Variants in ACSM3 observed in about 807,000 individuals in gnomAD.
ACSM3 encodes the protein acyl-CoA synthetase medium chain family member 3, also known as acyl-coenzyme A synthetase ACSM3, mitochondrial.
A neutral mutation model predicts 74.1 loss-of-function variants in ACSM3; 61 were observed. The ratio of observed to expected loss-of-function variants is 0.82; its 90% CI spans 0.67 to 1.02. The LOEUF is 1.02. Among genes scored for constraint, ACSM3 ranks in the 50% least tolerant of loss-of-function variants. ACSM3 has a pLI of 0.00. For missense variants in ACSM3, 660 were observed against 697.0 expected (o/e 0.95, Z 0.60); for synonymous variants, 213 against 241.5 (o/e 0.88, Z 1.09).
At chr16:20,677,571 G>A (rs1455650778) in intron 1 of ACSM3, among the ~76,000 whole-genome samples, 2 of 152,204 alleles carry the variant, frequency 1.3e-5, no homozygotes, top group African/African-American at 4.8e-5. Flanking sequence ...TGTGATAGAT[G>A]AAGTGTTCTC....
chr16:20,737,758 G>C (rs1465622915), intron 1 of ACSM3: 2 of 1,613,562 alleles, frequency 1.2e-6, no homozygotes, highest in African/African-American at 2.7e-5. Context: ...GTTATTTCGA[G>C]ATTTGTACAC....
intron 7 of ACSM3, among the ~76,000 whole-genome samples, chr16:20,782,428 TTA>T (rs1444926111): frequency 6.6e-6 from 1 of 152,154 alleles, no homozygotes; most frequent in Non-Finnish European, 1.5e-5. Flanking sequence ...CCAAAGTCCA[TTA>T]TATCATTCTT....
intron 1 of ACSM3, among the ~76,000 whole-genome samples, chr16:20,728,810 T>A (rs1164750687): frequency 6.7e-6 from 1 of 149,326 alleles, no homozygotes; most frequent in Non-Finnish European, 1.5e-5. Flanking sequence ...CTACCTTTTT[T>A]AAAAAATTAA....
At chr16:20,726,179 A>G (rs1029920797) in intron 1 of ACSM3, among the ~76,000 whole-genome samples, 6 of 152,224 alleles carry the variant, frequency 3.9e-5, no homozygotes, top group African/African-American at 1.4e-4. Flanking sequence ...CCAGCCCTCA[A>G]AAAAGAAAGA....
chr16:20,760,164 T>C (rs2356266), upstream of ACSM3, among the ~76,000 whole-genome samples: 94,294 of 152,070 alleles, frequency 0.62, 30,342 homozygotes, highest in Non-Finnish European at 0.72. Flanking sequence ...TACAGCATCA[T>C]ATAACAGATA....
intron 1 of ACSM3, chr16:20,718,534 AGAG>A: frequency 3.7e-6 from 1 of 273,270 alleles, no homozygotes; most frequent in South Asian, 1.5e-4. Flanking sequence ...AACTCCCCAA[AGAG>A]CTGCCAATAT....
At chr16:20,685,084 G>C (rs2079522349) in intron 1 of ACSM3, 3 of 1,161,498 alleles carry the variant, frequency 2.6e-6, no homozygotes, top group Admixed American at 1.9e-5. Context: ...TGGGGCGAAG[G>C]CTTCAAAGCT....
rs545743231 is a variant in ACSM3, at chr16:20,797,551, A to G, written c.*579A>G. On this transcript the variant is annotated 3_prime_UTR_variant, in exon 14 of 14. Transcript: ENST00000289416. ...ATCATATACTATTGTTGCTTATTATATGTAATCTAATAAATACTGTTTACA... is the reference window on the plus strand; with the variant it reads ...ATCATATACTATTGTTGCTTATTATGTGTAATCTAATAAATACTGTTTACA... 2.9e-5 allele frequency: 36 copies of G among 1,239,042 alleles called. No individual in the cohort carries two copies. In the African/African-American group the frequency reaches 4.5e-4, roughly 16 times the overall value. The allele number at this position is 1,239,042 out of a possible 1,614,324, so 76.8% of individuals were successfully genotyped here. A position where few individuals can be genotyped will look rare whatever the true frequency, so the allele number is the denominator to read the frequency against.
At chr16:20,719,790 AC>A (rs1219484688) in intron 1 of ACSM3, among the ~76,000 whole-genome samples, 4 of 152,166 alleles carry the variant, frequency 2.6e-5, no homozygotes, top group African/African-American at 9.7e-5. Flanking sequence ...AAGTGCGGGC[AC>A]CTTTGCCCAG....
chr16:20,783,250 C>A (rs2080392703), intron 7 of ACSM3: 1 of 152,192 alleles, frequency 6.6e-6, no homozygotes, highest in African/African-American at 2.4e-5. Flanking sequence ...ACAAAAGATA[C>A]TCCTAGCACA....
intron 1 of ACSM3, among the ~76,000 whole-genome samples, chr16:20,685,663 T>C (rs2079534953): frequency 1.3e-5 from 2 of 151,336 alleles, no homozygotes; most frequent in Non-Finnish European, 2.9e-5. Flanking sequence ...CTACTAAAAA[T>C]TTAAAAATTA....
intron 1 of ACSM3, among the ~76,000 whole-genome samples, chr16:20,709,603 G>A (rs963801324): frequency 6.6e-6 from 1 of 151,984 alleles, no homozygotes; most frequent in African/African-American, 2.4e-5. Flanking sequence ...AAGAACAGGT[G>A]GTTTGTAAAA....
chr16:20,734,055 G>C (rs753414122), intron 1 of ACSM3: 1 of 152,118 alleles, frequency 6.6e-6, no homozygotes, highest in African/African-American at 2.4e-5. Flanking sequence ...ACCGAACACA[G>C]GATTTTGTAA....
intron 1 of ACSM3, among the ~76,000 whole-genome samples, chr16:20,726,700 G>A (rs963789606): frequency 2.0e-5 from 3 of 152,168 alleles, no homozygotes; most frequent in Non-Finnish European, 4.4e-5. Flanking sequence ...CTTACTAATA[G>A]TGTGGCCTTG....
intron 1 of ACSM3, among the ~76,000 whole-genome samples, chr16:20,740,644 A>C (rs909325888): frequency 3.9e-5 from 6 of 152,172 alleles, no homozygotes; most frequent in Non-Finnish European, 1.5e-5. Context: ...CGAGTCCCCA[A>C]GCTAGTAGAG....
intron 1 of ACSM3, chr16:20,722,429 C>G (rs923013319): frequency 6.6e-6 from 1 of 152,162 alleles, no homozygotes; most frequent in African/African-American, 2.4e-5. Context: ...CATAGTGGAA[C>G]TTCTCCAGAA....
chr16:20,749,080 A>G (rs1480060232), intron 1 of ACSM3, among the ~76,000 whole-genome samples: 1 of 152,138 alleles, frequency 6.6e-6, no homozygotes, highest in Non-Finnish European at 1.5e-5. Context: ...AGAAAAAAGA[A>G]AAGATTTTCA....
At chr16:20,730,685 A>G (rs1308140359) in intron 1 of ACSM3, among the ~76,000 whole-genome samples, 2 of 152,190 alleles carry the variant, frequency 1.3e-5, no homozygotes, top group Non-Finnish European at 2.9e-5. Flanking sequence ...ATTTCAGCTG[A>G]AGAGCAGAAG....
intron 1 of ACSM3, chr16:20,736,644 A>C: frequency 2.1e-6 from 1 of 474,848 alleles, no homozygotes; most frequent in Non-Finnish European, 3.7e-6. Flanking sequence ...TCCCCCTCCT[A>C]TCCTCCCCTC....
Sources: gnomAD v4.1 joint callset for allele counts (sites outside exome capture counted in the v4.1 genomes callset) on GRCh38, gnomAD v4.1.1 for gene constraint, MANE v1.5 for transcripts, NCBI Gene and HGNC (gene_info 2026-07-23, HGNC 2026-07-21) for gene names.